The following KLHL28 variants were observed in gnomAD, a reference collection of about 807,000 sequenced individuals.
The protein encoded by KLHL28 is kelch like family member 28.
KLHL28 carries 22 observed loss-of-function variants against 48.3 expected under a neutral mutation model. The observed-to-expected ratio is 0.46, with a 90% confidence interval of 0.33 to 0.65. The LOEUF (loss-of-function observed/expected upper bound fraction) is 0.65, where lower values mean the gene tolerates loss of function less well. KLHL28 is among the 30% of genes least tolerant of loss of function. The pLI is 0.03. For missense variants in KLHL28, 527 were observed against 704.3 expected, an observed-to-expected ratio of 0.75 and a Z score of 2.85; for synonymous variants, 243 against 242.4, an observed-to-expected ratio of 1.00 and a Z score of -0.02.
intron 4 of KLHL28, among the ~76,000 whole-genome samples, chr14:44,930,659 A>G (rs1594563881): frequency 1.3e-5 from 2 of 152,286 alleles, no homozygotes; most frequent in Middle Eastern, 3.4e-3. Flanking sequence ...GGCATGATCA[A>G]CCTGGTAAGC....
At chr14:44,953,209 G>A (rs1275599643) in intron 1 of KLHL28, among the ~76,000 whole-genome samples, 2 of 152,108 alleles carry the variant, frequency 1.3e-5, no homozygotes, top group East Asian at 1.9e-4. Context: ...AAAGAGAAAC[G>A]TTTAAATAAA....
chr14:44,935,076 C>T (rs1393585700), intron 2 of KLHL28, among the ~76,000 whole-genome samples: 2 of 152,216 alleles, frequency 1.3e-5, no homozygotes, highest in East Asian at 3.9e-4. Context: ...TGGAAACAAT[C>T]CAAATGTTTA....
At chr14:44,932,246 G>A (rs1207127862) in intron 3 of KLHL28, among the ~76,000 whole-genome samples, 1 of 99,442 alleles carries the variant, frequency 1.0e-5, no homozygotes, top group Admixed American at 1.4e-4. Flanking sequence ...GAGGAAGAGA[G>A]GGGTGGGGGG....
At chr14:44,955,981 T>TAAAA (rs1294331735) in intron 1 of KLHL28, among the ~76,000 whole-genome samples, 1 of 152,194 alleles carries the variant, frequency 6.6e-6, no homozygotes, top group African/African-American at 2.4e-5. Context: ...TAATGATACT[T>TAAAA]AAAAAAAGTC....
chr14:44,947,036 C>T (rs538828070), intron 1 of KLHL28, among the ~76,000 whole-genome samples: 1 of 152,306 alleles, frequency 6.6e-6, no homozygotes, highest in Admixed American at 6.5e-5. Context: ...ATTCACATCC[C>T]TATCCCTGGA....
chr14:44,941,633 A>C (rs77998493), intron 2 of KLHL28, among the ~76,000 whole-genome samples: 3 of 151,270 alleles, frequency 2.0e-5, no homozygotes, highest in Admixed American at 2.0e-4. Flanking sequence ...TGTCTCAAAA[A>C]AAAAAAAAAA....
chr14:44,946,104 A>G (rs1406714450), intron 1 of KLHL28, among the ~76,000 whole-genome samples, 176 bp from the exon 2 acceptor site: 1 of 152,202 alleles, frequency 6.6e-6, no homozygotes, highest in East Asian at 1.9e-4. Flanking sequence ...GAGATTTAAC[A>G]ATCACATCAT....
At chr14:44,946,416 C>T (rs1262185808) in intron 1 of KLHL28, among the ~76,000 whole-genome samples, 1 of 152,070 alleles carries the variant, frequency 6.6e-6, no homozygotes, top group Non-Finnish European at 1.5e-5. Context: ...TCAATAATTG[C>T]TTTGACAGAG....
rs147432661 is a variant in KLHL28, at chr14:44,960,573, T to C, written c.-1+1273A>G. On this transcript the variant is annotated intron_variant, in intron 1 of 4. Transcript: ENST00000396128. ...TTTAACCTGTCCCTAAAATGAAACA[T>C]GCTAGCTAAACCTAATTTAGGCAGA... Among the ~76,000 whole-genome samples the C allele has an allele frequency of 1.1e-3, 165 of 152,244 alleles. 1 individual carries two copies. Among genetic ancestry groups the C allele is most frequent in the African/African-American group, 3.8e-3 (159 of 41,550 alleles).
chr14:44,953,192 C>G (rs370966232), intron 1 of KLHL28, among the ~76,000 whole-genome samples: 1 of 151,980 alleles, frequency 6.6e-6, no homozygotes, highest in East Asian at 1.9e-4. Flanking sequence ...GGAATCTCTG[C>G]GAGGGAAAAG....
chr14:44,928,994 T>C lies in KLHL28; in HGVS notation c.*34A>G, dbSNP rs200275778. 1,250 of 1,607,400 alleles carry C rather than the reference T, an allele frequency of 7.8e-4. 3 individuals carry two copies. Among genetic ancestry groups the C allele is most frequent in the Non-Finnish European group, 9.9e-4 (1,161 of 1,175,118 alleles). ...TCCGGATGTTCATGCAGTACAAGTT[T>C]CACCACCATACTATTTCCGAGAGTT... On this transcript the variant is annotated 3_prime_UTR_variant, in exon 5 of 5. Coordinates refer to ENST00000396128, the MANE Select transcript of KLHL28 (RefSeq NM_017658.5).
At chr14:44,954,498 G>C (rs1008811979) in intron 1 of KLHL28, among the ~76,000 whole-genome samples, 1 of 152,168 alleles carries the variant, frequency 6.6e-6, no homozygotes, top group African/African-American at 2.4e-5. Flanking sequence ...ACACAATGCA[G>C]TACTATACAG....
chr14:44,945,525 C>G lies in KLHL28; in HGVS notation c.404G>C (p.Gly135Ala). Residue 135 changes from glycine (G) to alanine (A), a missense_variant, in exon 2 of 5, where the codon GGT (glycine) becomes GCT (alanine). By Grantham distance (60) the Gly-to-Ala change is moderately conservative (BLOSUM62 0). Coordinates refer to ENST00000396128, the MANE Select transcript of KLHL28 (RefSeq NM_017658.5). ...CAFLESQLDP[G>A]NCIGISRFAE... ...AAAACGAGAAATTCCAATACAATTA[C>G]CAGGATCAAGTTGGCTTTCAAGAAA... The G allele has an allele frequency of 3.1e-6, 5 of 1,614,130 alleles. No homozygotes were observed. Among genetic ancestry groups the G allele is most frequent in the Non-Finnish European group, 2.5e-6 (3 of 1,180,032 alleles).
chr14:44,940,395 A>G (rs1884017936), intron 2 of KLHL28, among the ~76,000 whole-genome samples: 1 of 152,232 alleles, frequency 6.6e-6, no homozygotes, highest in Non-Finnish European at 1.5e-5. Context: ...TGTGGTTTAT[A>G]GTGTTGAGAT....
chr14:44,958,210 A>T (rs1884873390), intron 1 of KLHL28, among the ~76,000 whole-genome samples: 1 of 151,962 alleles, frequency 6.6e-6, no homozygotes, highest in Non-Finnish European at 1.5e-5. Context: ...CAGTAACTTA[A>T]CTTTAGGCTC....
chr14:44,961,306 G>A (rs1401289638), intron 1 of KLHL28, among the ~76,000 whole-genome samples: 1 of 152,220 alleles, frequency 6.6e-6, no homozygotes, highest in East Asian at 1.9e-4. Flanking sequence ...CAGACGGAGG[G>A]GGCGGAGGTT....
rs1428926374 is a variant in KLHL28, at chr14:44,948,508, T to C, written c.1-2580A>G. Among the ~76,000 whole-genome samples the C allele has an allele frequency of 2.0e-5, 3 of 152,124 alleles. No homozygotes were observed. The East Asian group carries it at 5.8e-4, about 29-fold the overall frequency. On this transcript the variant is annotated intron_variant, in intron 1 of 4. Transcript: ENST00000396128. ...AGTATTAATTGTTTCATTCATAAAA[T>C]AAGAATACCCCACTTATCTCAGAAG... is the stretch of plus-strand genomic sequence containing the variant.
intron 2 of KLHL28, among the ~76,000 whole-genome samples, 193 bp from the exon 3 acceptor site, chr14:44,934,751 C>A (rs1251300990): frequency 1.3e-5 from 2 of 152,164 alleles, no homozygotes; most frequent in Admixed American, 6.6e-5. Flanking sequence ...GAAATGCATA[C>A]TCCGTTGGTG....
In KLHL28 at chr14:44,925,673, T is replaced by A. The variant is rs1406899743; in HGVS notation, c.*3355A>T. The A allele has an allele frequency of 2.0e-5, 3 of 152,158 alleles. No homozygotes were observed. Among genetic ancestry groups the A allele is most frequent in the Admixed American group, 2.0e-4 (3 of 15,274 alleles). The allele number at this position is 152,158 out of a possible 1,614,324, so 9.4% of individuals were successfully genotyped here. ...TCATACATATAGCAAACCCTCCATA[T>A]GTGTTAAATTATCAAAATAAAATTT... On this transcript the variant is annotated 3_prime_UTR_variant, in exon 5 of 5. Coordinates refer to ENST00000396128, the MANE Select transcript of KLHL28 (RefSeq NM_017658.5).
Sources: allele counts gnomAD v4.1 joint callset (sites outside exome capture counted in the v4.1 genomes callset), GRCh38; gene constraint gnomAD v4.1.1; transcripts MANE v1.5; gene names NCBI Gene and HGNC (gene_info 2026-07-23, HGNC 2026-07-21).